The following SYT16 variants were observed in gnomAD, a reference collection of about 807,000 sequenced individuals.
The protein encoded by SYT16 is synaptotagmin 16.
Under a neutral mutation model 61.4 loss-of-function variants are expected in SYT16, and 42 were observed. The observed-to-expected ratio is 0.68, with a 90% CI of 0.53 to 0.89. SYT16 has a LOEUF of 0.89. SYT16 is among the 40% of genes least tolerant of loss of function. The pLI is 0.00. For synonymous variants in SYT16, 314 were observed against 302.3 expected (o/e 1.04, Z -0.40); for missense variants, 804 against 807.3 (o/e 1.00, Z 0.05).
At chr14:61,933,148 T>C (rs1038952590) in intron 1 of SYT16, among the ~76,000 whole-genome samples, 16 of 152,076 alleles carry the variant, frequency 1.1e-4, no homozygotes, top group African/African-American at 3.9e-4. Flanking sequence ...GTTTATGGAG[T>C]GTTCCGTGGA....
Position 61,996,107 on chromosome 14 carries a change from C to A in SYT16, c.88C>A (p.Gln30Lys). ...ATCTCGGGTTTATGAAGCTCTCCAGCAAGCAGGAGATATGTTATCTGCTTC... is the reference window on the plus strand; with the variant it reads ...ATCTCGGGTTTATGAAGCTCTCCAGAAAGCAGGAGATATGTTATCTGCTTC... ...WISRVYEALQ[Q>K]AGDMLSASLV... Residue 30 changes from glutamine to lysine, a missense_variant, in exon 3 of 8, where the codon CAA (glutamine) becomes AAA (lysine). Physicochemically the swap from Gln to Lys is moderately conservative, Grantham distance 53 (BLOSUM62 1). Coordinates refer to ENST00000683842, the MANE Select transcript of SYT16 (RefSeq NM_001367656.1). 1 of 1,613,060 alleles carries A rather than the reference C, an allele frequency of 6.2e-7. No individual in the cohort carries two copies. Among genetic ancestry groups the A allele is most frequent in the Non-Finnish European group, 8.5e-7 (1 of 1,179,430 alleles).
intron 1 of SYT16, among the ~76,000 whole-genome samples, chr14:61,948,315 A>G (rs999606729): frequency 2.6e-5 from 4 of 152,104 alleles, no homozygotes; most frequent in Non-Finnish European, 5.9e-5. Context: ...TAAGTTTATC[A>G]AAGTAGGTTA....
At chr14:61,972,380 T>C (rs1030215200) in intron 2 of SYT16, among the ~76,000 whole-genome samples, 4 of 152,206 alleles carry the variant, frequency 2.6e-5, no homozygotes, top group Admixed American at 2.0e-4. Context: ...GAATTATACT[T>C]GCAAATAAGT....
intron 7 of SYT16, among the ~76,000 whole-genome samples, chr14:62,094,783 A>G (rs2057211366): frequency 6.6e-6 from 1 of 152,022 alleles, no homozygotes; most frequent in Non-Finnish European, 1.5e-5. Context: ...CAGGAAGTTC[A>G]GGAGTATAAG....
chr14:61,856,490 G>A (rs569997984), intron 1 of SYT16, among the ~76,000 whole-genome samples: 2 of 152,200 alleles, frequency 1.3e-5, no homozygotes, highest in African/African-American at 2.4e-5. Context: ...ACTGAAGTAT[G>A]AGAGATACTG....
chr14:61,838,293 A>G (rs1222100368), intron 1 of SYT16, among the ~76,000 whole-genome samples: 2 of 152,166 alleles, frequency 1.3e-5, no homozygotes, highest in Non-Finnish European at 2.9e-5. Context: ...CCAGGCTGGT[A>G]CAGTGCCATA....
At chr14:61,870,460 T>C (rs2047297357) in intron 1 of SYT16, among the ~76,000 whole-genome samples, 2 of 152,122 alleles carry the variant, frequency 1.3e-5, no homozygotes, top group Admixed American at 6.5e-5. Flanking sequence ...GGTGTTCTTA[T>C]TGTTTCTGCT....
intron 3 of SYT16, among the ~76,000 whole-genome samples, chr14:62,044,078 C>G (rs1429849260): frequency 1.3e-5 from 2 of 151,386 alleles, no homozygotes; most frequent in African/African-American, 4.9e-5. Flanking sequence ...ACACATGGAT[C>G]AAAAATACAC....
At chr14:61,921,363 C>T (rs905173329) in intron 1 of SYT16, among the ~76,000 whole-genome samples, 50 of 152,192 alleles carry the variant, frequency 3.3e-4, no homozygotes, top group Admixed American at 7.9e-4. Context: ...TGAGCCACTT[C>T]CTCAACCTGA....
At chr14:61,923,367 A>G (rs1049432974) in intron 1 of SYT16, among the ~76,000 whole-genome samples, 1 of 152,206 alleles carries the variant, frequency 6.6e-6, no homozygotes, top group Admixed American at 6.5e-5. Context: ...AATTCACTGT[A>G]TCAGTTAGGA....
intron 3 of SYT16, among the ~76,000 whole-genome samples, chr14:62,038,512 C>A (rs1254914): frequency 0.48 from 73,373 of 151,762 alleles, 18,065 homozygotes; most frequent in Middle Eastern, 0.6. Flanking sequence ...CTTATTTACA[C>A]ATCCGTCTGC....
chr14:61,817,064 T>A (rs1038407519), intron 1 of SYT16, among the ~76,000 whole-genome samples: 2 of 151,108 alleles, frequency 1.3e-5, no homozygotes, highest in African/African-American at 4.9e-5. Context: ...ATTTATTAAT[T>A]GGAAAATGGG....
At chr14:61,906,799 A>G (rs1417443002) in intron 1 of SYT16, among the ~76,000 whole-genome samples, 4 of 148,752 alleles carry the variant, frequency 2.7e-5, no homozygotes, top group Non-Finnish European at 4.5e-5. Flanking sequence ...CCATCCATCC[A>G]TCCATCCATC....
intron 1 of SYT16, among the ~76,000 whole-genome samples, chr14:61,877,059 T>A (rs972781161): frequency 1.3e-4 from 20 of 152,182 alleles, no homozygotes; most frequent in Non-Finnish European, 2.1e-4. Context: ...CAGCAAATTC[T>A]CTGTTGTTCC....
chr14:61,929,312 T>C (rs2049666963), intron 1 of SYT16, among the ~76,000 whole-genome samples: 1 of 152,204 alleles, frequency 6.6e-6, no homozygotes, highest in Non-Finnish European at 1.5e-5. Flanking sequence ...TTAAATTTTA[T>C]GAAATACAAT....
chr14:61,835,602 T>A (rs75811177), intron 1 of SYT16, among the ~76,000 whole-genome samples: 2,976 of 152,108 alleles, frequency 0.02, 90 homozygotes, highest in African/African-American at 0.065. Flanking sequence ...ATCACCTTTT[T>A]ATGGCCATTT....
At chr14:61,833,958 G>A (rs1432443507) in intron 1 of SYT16, among the ~76,000 whole-genome samples, 1 of 143,970 alleles carries the variant, frequency 6.9e-6, no homozygotes, top group African/African-American at 2.6e-5. Context: ...GATTGCTGAA[G>A]CTCTGGCTTT....
chr14:61,908,264 A>G (rs2048800527), intron 1 of SYT16, among the ~76,000 whole-genome samples: 1 of 152,258 alleles, frequency 6.6e-6, no homozygotes, highest in Non-Finnish European at 1.5e-5. Context: ...GCCAGATTGA[A>G]GAGAATCAAA....
chr14:62,030,955 C>T (rs1057493430), intron 3 of SYT16, among the ~76,000 whole-genome samples: 1 of 152,144 alleles, frequency 6.6e-6, no homozygotes, highest in Non-Finnish European at 1.5e-5. Context: ...CTACTTTGAG[C>T]CTGCTAACTT....
Sources: gnomAD v4.1 joint callset for allele counts (sites outside exome capture counted in the v4.1 genomes callset) on GRCh38, gnomAD v4.1.1 for gene constraint, MANE v1.5 for transcripts, NCBI Gene and HGNC (gene_info 2026-07-23, HGNC 2026-07-21) for gene names.